ECPAS: variants seen among roughly 807,000 people sequenced by gnomAD.
ECPAS encodes the protein proteasome adapter and scaffold protein ECM29.
Under a neutral mutation model 255.1 loss-of-function variants are expected in ECPAS, and 70 were observed. That is an observed-to-expected ratio of 0.27 (90% CI 0.23 to 0.33). The LOEUF (loss-of-function observed/expected upper bound fraction) is 0.33. Ranked by LOEUF, ECPAS falls within the 10% of genes least tolerant of loss-of-function variation. The pLI, the probability that ECPAS is intolerant of heterozygous loss-of-function variation, is 1.00. For synonymous variants in ECPAS, 784 were observed against 775.0 expected (o/e 1.01, Z -0.19); for missense variants, 1,817 against 2,206.4 (o/e 0.82, Z 3.54).
At chr9:111,409,564 C>CAAAAA (rs572633314) in intron 23 of ECPAS, among the ~76,000 whole-genome samples, 1 of 127,632 alleles carries the variant, frequency 7.8e-6, no homozygotes, top group Non-Finnish European at 1.7e-5. Flanking sequence ...AACTCCATCT[C>CAAAAA]AAAAAAAAAA....
At chr9:111,438,862 GA>G (rs2098241885) in intron 6 of ECPAS, among the ~76,000 whole-genome samples, 1 of 152,216 alleles carries the variant, frequency 6.6e-6, no homozygotes, top group African/African-American at 2.4e-5. Context: ...CACACCGCAT[GA>G]ACTCTCATTT....
intron 24 of ECPAS, among the ~76,000 whole-genome samples, chr9:111,405,368 A>G (rs2098182447): frequency 6.7e-6 from 1 of 149,834 alleles, no homozygotes; most frequent in South Asian, 2.1e-4. Context: ...CACATGTAGA[A>G]TAATGAAACT....
chr9:111,454,687 T>C (rs1335011932), intron 2 of ECPAS, among the ~76,000 whole-genome samples: 1 of 151,810 alleles, frequency 6.6e-6, no homozygotes, highest in Non-Finnish European at 1.5e-5. Context: ...TCTACAGATA[T>C]AACTGCTATA....
rs576876264 is a variant in ECPAS, at chr9:111,413,820, T to C, written c.2079+75A>G. On this transcript the variant is annotated intron_variant, in intron 20 of 49. Coordinates refer to ENST00000684092, the MANE Select transcript of ECPAS (RefSeq NM_001364929.1). Reference sequence around the variant, plus strand: ...GCAGAAAAGGTCATAGGGATCCCGCTGGCAGGAAAAAGAAATCATGAAGTT... The same window carrying C: ...GCAGAAAAGGTCATAGGGATCCCGCCGGCAGGAAAAAGAAATCATGAAGTT... The C allele has an allele frequency of 2.6e-5, 24 of 919,474 alleles. No homozygotes were observed. The East Asian group carries it at 6.6e-4, about 25-fold the overall frequency. 57.0% of individuals were successfully genotyped at this position (919,474 alleles called of 1,614,324 possible). A position where few individuals can be genotyped will look rare whatever the true frequency, so the allele number is the denominator to read the frequency against.
chr9:111,437,870 T>A (rs1019800261), intron 6 of ECPAS, among the ~76,000 whole-genome samples: 1 of 152,210 alleles, frequency 6.6e-6, no homozygotes, highest in Admixed American at 6.5e-5. Context: ...GTTTTTGATA[T>A]AAATATTAAT....
At chr9:111,461,008 T>C (rs1392308990) in intron 2 of ECPAS, among the ~76,000 whole-genome samples, 1 of 150,560 alleles carries the variant, frequency 6.6e-6, no homozygotes, top group Non-Finnish European at 1.5e-5. Context: ...TCTCAATCAA[T>C]GAATGAGTGG....
Position 111,465,489 on chromosome 9 carries a change from G to A in ECPAS, c.22+7408C>T, listed in dbSNP as rs147273196. Among the ~76,000 whole-genome samples the A allele has an allele frequency of 3.1e-3, 468 of 152,050 alleles. 5 individuals carry two copies. The highest frequency in any genetic ancestry group is 0.011 in the African/African-American group (449 of 41,506). On this transcript the variant is annotated intron_variant, in intron 2 of 49. Coordinates refer to ENST00000684092, the MANE Select transcript of ECPAS (RefSeq NM_001364929.1). ...TGGGAGAAGGAGGTTGCAGTGAGCC[G>A]AGATCGTGCCATTGCACTGCAGCCT...
chr9:111,470,261 C>G (rs1026601578), intron 2 of ECPAS, among the ~76,000 whole-genome samples: 2 of 152,160 alleles, frequency 1.3e-5, no homozygotes, highest in Admixed American at 6.5e-5. Context: ...TCTGGATCTA[C>G]TACAGGCTAG....
intron 2 of ECPAS, among the ~76,000 whole-genome samples, chr9:111,468,705 T>TGTGTGTGTGTGTGTGTGTGTGTG (rs1554803199): frequency 1.3e-5 from 2 of 152,100 alleles, no homozygotes; most frequent in East Asian, 1.9e-4. Flanking sequence ...TGTGTGTGTG[T>TGTGTGTGTGTGTGTGTGTGTGTG]TTCACGTCCA....
chr9:111,407,419 A>AG (rs2098186209), intron 24 of ECPAS, among the ~76,000 whole-genome samples: 2 of 127,126 alleles, frequency 1.6e-5, no homozygotes, highest in African/African-American at 3.6e-5. Context: ...AAAAAAAAAA[A>AG]AAAAAAAAAA....
chr9:111,400,012 G>A (rs1240178801), intron 24 of ECPAS, among the ~76,000 whole-genome samples: 1 of 152,230 alleles, frequency 6.6e-6, no homozygotes, highest in Admixed American at 6.5e-5. Context: ...CCACAGGAGT[G>A]CCCACATTAC....
intron 28 of ECPAS, 111 bp from the exon 29 acceptor site, chr9:111,391,935 G>T: frequency 1.3e-6 from 1 of 792,190 alleles, no homozygotes; most frequent in Non-Finnish European, 2.1e-6. Flanking sequence ...CATTTACTGT[G>T]TACAAGATAT....
chr9:111,363,287 G>A (rs1317275115), intron 49 of ECPAS, among the ~76,000 whole-genome samples: 1 of 152,076 alleles, frequency 6.6e-6, no homozygotes, highest in Non-Finnish European at 1.5e-5. Flanking sequence ...ACATGCCACT[G>A]TCAACCAATT....
intron 32 of ECPAS, among the ~76,000 whole-genome samples, chr9:111,386,005 G>A (rs1173757124): frequency 6.6e-6 from 1 of 152,182 alleles, no homozygotes; most frequent in South Asian, 2.1e-4. Flanking sequence ...TGTCGCCCAG[G>A]CTGGAGTTCA....
At chr9:111,438,085 T>C (rs935153743) in intron 6 of ECPAS, among the ~76,000 whole-genome samples, 11 of 152,180 alleles carry the variant, frequency 7.2e-5, no homozygotes, top group Admixed American at 5.9e-4. Flanking sequence ...ATCGCTTTAA[T>C]GTTATTATAT....
rs1047454612 is a variant in ECPAS, at chr9:111,396,595, G to A, written c.2776+435C>T. Among the ~76,000 whole-genome samples, 6 of 152,154 alleles carry A rather than the reference G, an allele frequency of 3.9e-5. 1 individual carries two copies. The highest frequency in any genetic ancestry group is 8.8e-5 in the Non-Finnish European group (6 of 68,030). ...AGACAGAGTCTTACTCTGTCGCCCA[G>A]GATAGAGTGCAGTGGCATAATCTCA... is the stretch of plus-strand genomic sequence containing the variant. On this transcript the variant is annotated intron_variant, in intron 25 of 49. Transcript: ENST00000684092.
chr9:111,433,106 G>C (rs1054594205), intron 8 of ECPAS, 127 bp downstream of exon 8: 9 of 881,330 alleles, frequency 1.0e-5, no homozygotes, highest in Admixed American at 5.1e-5. Flanking sequence ...TTACAAACTA[G>C]GTATATTTAA....
Position 111,409,707 on chromosome 9 carries a change from T to TA in ECPAS, c.2550+333dup, listed in dbSNP as rs144389849. 2.2e-3 allele frequency among the ~76,000 whole-genome samples: 326 copies of TA among 150,118 alleles called. 1 individual carries two copies. The highest frequency in any genetic ancestry group is 4.8e-3 in the African/African-American group (196 of 40,936). ...GTTAGGATTTATATTTGGCCTAAAATAAAAAAAAAATCACAAAATTACTTA... is the reference window on the plus strand; with the variant it reads ...GTTAGGATTTATATTTGGCCTAAAATAAAAAAAAAAATCACAAAATTACTTA... On this transcript the variant is annotated intron_variant, in intron 23 of 49. Transcript: ENST00000684092.
intron 3 of ECPAS, among the ~76,000 whole-genome samples, chr9:111,444,793 C>T (rs1474565865): frequency 2.6e-5 from 4 of 152,116 alleles, no homozygotes; most frequent in Non-Finnish European, 5.9e-5. Context: ...TCACTGCAAC[C>T]TCCGCCTCCC....
Sources: allele counts gnomAD v4.1 joint callset (sites outside exome capture counted in the v4.1 genomes callset), GRCh38; gene constraint gnomAD v4.1.1; transcripts MANE v1.5; gene names NCBI Gene and HGNC (gene_info 2026-07-23, HGNC 2026-07-21).